The following DIAPH2 variants were observed in gnomAD, a reference collection of about 807,000 sequenced individuals.
The protein encoded by DIAPH2 is diaphanous related formin 2.
Under a neutral mutation model 92.7 loss-of-function variants are expected in DIAPH2, and 35 were observed. That is an observed-to-expected ratio of 0.38 (90% CI 0.29 to 0.50). The LOEUF is 0.50. Among genes scored for constraint, DIAPH2 ranks in the 20% least tolerant of loss-of-function variants. The pLI, the probability that DIAPH2 is intolerant of heterozygous loss-of-function variation, is 0.94. For synonymous variants in DIAPH2, 301 were observed against 280.4 expected (o/e 1.07, Z -0.73); for missense variants, 701 against 819.5 (o/e 0.86, Z 1.77).
At chrX:97,140,356 C>T (rs1442726575) in intron 21 of DIAPH2, among the ~76,000 whole-genome samples, 2 of 111,380 alleles carry the variant, frequency 1.8e-5, no homozygotes, top group Admixed American at 1.9e-4. Context: ...GAAAATTGCC[C>T]TTGAGGTTTG....
chrX:97,391,176 C>T (rs777156792), intron 25 of DIAPH2, among the ~76,000 whole-genome samples: 65 of 111,059 alleles, frequency 5.9e-4, no homozygotes, highest in South Asian at 1.2e-3. Flanking sequence ...AGTTGGGTGT[C>T]TGTCAAGATG....
chrX:97,096,427 T>C (rs1188601242), intron 19 of DIAPH2, among the ~76,000 whole-genome samples: 4 of 111,789 alleles, frequency 3.6e-5, no homozygotes, highest in Non-Finnish European at 7.5e-5. Context: ...CTGATTCTTA[T>C]CAAAAGTCTC....
chrX:97,159,514 G>A (rs1274556980), intron 22 of DIAPH2, among the ~76,000 whole-genome samples: 1 of 111,441 alleles, frequency 9.0e-6, no homozygotes, highest in Non-Finnish European at 1.9e-5. Flanking sequence ...ACCAATGAGC[G>A]ATGGCTTGTA....
intron 2 of DIAPH2, 22 bp from the exon 3 acceptor site, chrX:96,738,560 TTTTA>T (rs1165509971): frequency 2.6e-6 from 3 of 1,158,317 alleles, no homozygotes; most frequent in African/African-American, 1.8e-5. Flanking sequence ...TCTCAGGGCT[TTTTA>T]TTTATTTATT....
chrX:97,568,538 C>G (rs59142471), intron 26 of DIAPH2, among the ~76,000 whole-genome samples: 1,919 of 111,330 alleles, frequency 0.017, 39 homozygotes, highest in African/African-American at 0.06. Flanking sequence ...CTGTATGACT[C>G]CTTAAATATT....
At chrX:97,283,951 TAATAA>T (rs1263435045) in intron 23 of DIAPH2, among the ~76,000 whole-genome samples, 2 of 111,517 alleles carry the variant, frequency 1.8e-5, no homozygotes, top group Non-Finnish European at 3.8e-5. Context: ...TCAAAAAAAA[TAATAA>T]AATAAAATAA....
chrX:97,566,392 A>G (rs1340032685), intron 26 of DIAPH2, among the ~76,000 whole-genome samples: 1 of 111,847 alleles, frequency 8.9e-6, no homozygotes, highest in African/African-American at 3.3e-5. Flanking sequence ...ATCCAAACAC[A>G]TAGAAGGTGA....
intron 23 of DIAPH2, among the ~76,000 whole-genome samples, chrX:97,260,887 C>T (rs1045019424): frequency 8.9e-6 from 1 of 111,922 alleles, no homozygotes; most frequent in Non-Finnish European, 1.9e-5. Context: ...AGCTTAACTA[C>T]AGTGGTTTCC....
intron 22 of DIAPH2, among the ~76,000 whole-genome samples, chrX:97,161,171 A>T (rs925645258): frequency 2.8e-5 from 3 of 108,810 alleles, no homozygotes; most frequent in South Asian, 8.2e-4. Flanking sequence ...CTGGATTTCA[A>T]TCTCAACTCT....
chrX:97,601,653 G>A lies in DIAPH2; in HGVS notation c.*2336G>A, dbSNP rs1292655182. On this transcript the variant is annotated 3_prime_UTR_variant, in exon 27 of 27. Transcript: ENST00000324765. ...AAGGTCTTTTGTTGGCCATATTACT[G>A]CCACACATGAGAAGCACCATTTATG... 1 of 111,746 alleles carries A rather than the reference G, an allele frequency of 8.9e-6. No individual in the cohort carries two copies. The highest frequency in any genetic ancestry group is 1.9e-5 in the Non-Finnish European group (1 of 53,160). 9.2% of individuals were successfully genotyped at this position (111,746 alleles called of 1,213,427 possible).
chrX:96,802,449 A>T (rs1022098062), intron 4 of DIAPH2, among the ~76,000 whole-genome samples: 1 of 112,477 alleles, frequency 8.9e-6, no homozygotes, highest in Non-Finnish European at 1.9e-5. Flanking sequence ...AGAATACTCT[A>T]GTATACTGTA....
chrX:97,300,419 C>T (rs2068683156), intron 23 of DIAPH2, among the ~76,000 whole-genome samples: 1 of 110,424 alleles, frequency 9.1e-6, no homozygotes, highest in African/African-American at 3.3e-5. Context: ...AAAGAAATAA[C>T]ATTTTCTTTT....
intron 9 of DIAPH2, among the ~76,000 whole-genome samples, chrX:96,924,370 T>C (rs1292307358): frequency 8.9e-6 from 1 of 111,901 alleles, no homozygotes; most frequent in African/African-American, 3.2e-5. Context: ...AACTAACTTC[T>C]GACTTAAAGA....
At chrX:97,156,504 T>G (rs894734833) in intron 22 of DIAPH2, among the ~76,000 whole-genome samples, 3 of 112,271 alleles carry the variant, frequency 2.7e-5, no homozygotes, top group African/African-American at 9.7e-5. Context: ...GGATACAATT[T>G]TAACTCTTTC....
At chrX:97,153,835 T>G (rs2067303283) in intron 22 of DIAPH2, among the ~76,000 whole-genome samples, 1 of 111,293 alleles carries the variant, frequency 9.0e-6, no homozygotes, top group African/African-American at 3.3e-5. Flanking sequence ...TCATAAAATT[T>G]CCAATATCCT....
At chrX:96,751,647 G>GTTTTTTTTTTTTTTTTTTTTTT (rs1332024432) in intron 3 of DIAPH2, among the ~76,000 whole-genome samples, 10 of 85,039 alleles carry the variant, frequency 1.2e-4, no homozygotes, top group Non-Finnish European at 1.8e-4. Context: ...AGACTTCAGT[G>GTTTTTTTTTTTTTTTTTTTTTT]TTTTGTTTTT....
rs192453186 is a variant in DIAPH2 at position 97,600,528 on chromosome X, G to A, written c.*1211G>A. The A allele has an allele frequency of 6.3e-4, 71 of 112,312 alleles. No homozygotes were observed. The highest frequency in any genetic ancestry group is 8.7e-4 in the Non-Finnish European group (46 of 53,133). The allele number at this position is 112,312 out of a possible 1,213,427, so 9.3% of individuals were successfully genotyped here. A position where few individuals can be genotyped will look rare whatever the true frequency, so the allele number is the denominator to read the frequency against. On this transcript the variant is annotated 3_prime_UTR_variant, in exon 27 of 27. Coordinates refer to ENST00000324765, the MANE Select transcript of DIAPH2 (RefSeq NM_006729.5). ...CCTTATATTAACAAATTAAGATGAT[G>A]CTGCCAAAACAAGTCTAGCAGGGAA...
intron 1 of DIAPH2, among the ~76,000 whole-genome samples, chrX:96,734,053 A>G (rs763937675): frequency 8.0e-5 from 9 of 112,355 alleles, no homozygotes; most frequent in Non-Finnish European, 1.7e-4. Context: ...CTCGTCCCAT[A>G]GGACCAAGTG....
At chrX:97,052,343 C>G (rs138628857) in intron 17 of DIAPH2, among the ~76,000 whole-genome samples, 1 of 110,690 alleles carries the variant, frequency 9.0e-6, no homozygotes, top group Non-Finnish European at 1.9e-5. Context: ...ATGTCATATT[C>G]CCAGGCAATA....
Sources: gnomAD v4.1 joint callset for allele counts (sites outside exome capture counted in the v4.1 genomes callset) on GRCh38, gnomAD v4.1.1 for gene constraint, MANE v1.5 for transcripts, NCBI Gene and HGNC (gene_info 2026-07-23, HGNC 2026-07-21) for gene names.